PI4KA: variants seen among roughly 807,000 people sequenced by gnomAD.
PI4KA encodes the protein PI4-kinase alpha.
A neutral mutation model predicts 271.4 loss-of-function variants in PI4KA; 122 were observed. That is an observed-to-expected ratio of 0.45 (90% CI 0.39 to 0.52). PI4KA has a LOEUF of 0.52. Among genes scored for constraint, PI4KA ranks in the 20% least tolerant of loss-of-function variants. The probability of loss-of-function intolerance (pLI) is 0.00; values close to 1 mark genes in which losing one functional copy is unlikely to be tolerated. For missense variants in PI4KA, 1,969 were observed against 2,769.1 expected, an observed-to-expected ratio of 0.71 and a Z score of 6.48; for synonymous variants, 1,041 against 1,078.8, an observed-to-expected ratio of 0.96 and a Z score of 0.69.
At position 20,834,989 on chromosome 22, in the gene PI4KA, T is replaced by C. The variant is rs144212961; in HGVS notation, c.274-334A>G. Among the ~76,000 whole-genome samples the C allele has an allele frequency of 4.7e-3, 723 of 152,324 alleles. 6 individuals carry two copies. Among genetic ancestry groups the C allele is most frequent in the African/African-American group, 0.017 (693 of 41,570 alleles). Reference sequence around the variant, plus strand: ...ACACGTGTGTACACACTCAAAGCTGTCTTCAGTGAGAATGGTTTAGAGCCC... The same window carrying C: ...ACACGTGTGTACACACTCAAAGCTGCCTTCAGTGAGAATGGTTTAGAGCCC... On this transcript the variant is annotated intron_variant, in intron 2 of 54. Transcript: ENST00000255882.
intron 43 of PI4KA, among the ~76,000 whole-genome samples, chr22:20,720,082 A>G (rs902763197): frequency 2.6e-5 from 4 of 152,010 alleles, no homozygotes; most frequent in African/African-American, 9.7e-5. Flanking sequence ...AGATGTGAAC[A>G]AATATGATTT....
chr22:20,808,270 A>C (rs902644569), intron 9 of PI4KA, among the ~76,000 whole-genome samples: 8 of 148,446 alleles, frequency 5.4e-5, no homozygotes, highest in African/African-American at 2.0e-4. Context: ...AGCCTGGGCA[A>C]CAAGAACAAA....
In PI4KA at chr22:20,727,289, A is replaced by T. The variant is rs987872275; in HGVS notation, c.4882T>A (p.Tyr1628Asn). 6.2e-7 allele frequency: 1 copy of T among 1,613,190 alleles called. No individual in the cohort carries two copies. Among genetic ancestry groups the T allele is most frequent in the Admixed American group, 1.7e-5 (1 of 59,928 alleles). Reference protein sequence around the residue: ...PTGLSYFSSMYPPHPLTAQYG... With the variant: ...PTGLSYFSSMNPPHPLTAQYG... ...TGCGCCGTGAGAGGGTGCGGCGGGT[A>T]CATGCTGGAGAAGTAGGAGAGGCCT... Residue 1628 changes from tyrosine to asparagine, a missense_variant, in exon 41 of 55, where the codon TAC becomes AAC. Physicochemically the swap from Tyr to Asn is moderately radical, Grantham distance 143. Coordinates refer to ENST00000255882, the MANE Select transcript of PI4KA (RefSeq NM_058004.4).
In PI4KA at chr22:20,718,802, C is replaced by T. The variant is rs142131375; in HGVS notation, c.5137G>A (p.Asp1713Asn). ...CCTGTGATCTCCTCTACCAACTGAT[C>T]CAGGAGGTCGCCGATGTCAGCTGCC... ...QKDPDIGDLL[D>N]QLVEEITGSL... Residue 1713 changes from aspartate (D) to asparagine (N), a missense_variant, in exon 44 of 55, where the codon GAT becomes AAT. Physicochemically the swap from Asp to Asn is conservative, Grantham distance 23 (BLOSUM62 1). Transcript: ENST00000255882. 14 of 1,613,884 alleles carry T rather than the reference C, an allele frequency of 8.7e-6. No homozygotes were observed. In the South Asian group the frequency reaches 1.5e-4, roughly 18 times the overall value.
intron 19 of PI4KA, among the ~76,000 whole-genome samples, chr22:20,768,980 C>G (rs966750166): frequency 6.6e-6 from 1 of 152,044 alleles, no homozygotes; most frequent in Non-Finnish European, 1.5e-5. Flanking sequence ...GGATAAGGTC[C>G]CAAGTGATGG....
intron 19 of PI4KA, among the ~76,000 whole-genome samples, chr22:20,785,762 C>T (rs573449205): frequency 3.3e-5 from 5 of 152,124 alleles, no homozygotes; most frequent in African/African-American, 7.2e-5. Context: ...AGATAGGAAA[C>T]GAACCATACA....
chr22:20,794,873 C>T (rs1934883959), intron 18 of PI4KA, among the ~76,000 whole-genome samples: 1 of 152,164 alleles, frequency 6.6e-6, no homozygotes, highest in African/African-American at 2.4e-5. Flanking sequence ...CACGCCTGTT[C>T]GTTCATAGAC....
At position 20,801,981 on chromosome 22, in the gene PI4KA, G is replaced by A; in HGVS notation, c.1716C>T (p.Asn572=). Residue 572 remains asparagine, a synonymous_variant, in exon 14 of 55, where the codon AAC becomes AAT. Coordinates refer to ENST00000255882, the MANE Select transcript of PI4KA (RefSeq NM_058004.4). ...CTTGCCCAGCTTCCCACCTGCAGAT[G>A]TTGTCAATAGCGATGTCTCGGAGCT... ...YEQLRDIAID[N]ICRCLKAGLT... 1.2e-6 allele frequency: 2 copies of A among 1,614,108 alleles called. No individual in the cohort carries two copies. Among genetic ancestry groups the A allele is most frequent in the Non-Finnish European group, 1.7e-6 (2 of 1,179,998 alleles).
In PI4KA at chr22:20,799,158, G is replaced by T. The variant is rs1935149499; in HGVS notation, c.1939C>A (p.Gln647Lys). 1.2e-6 allele frequency: 2 copies of T among 1,612,108 alleles called. No individual in the cohort carries two copies. Among genetic ancestry groups the T allele is most frequent in the Non-Finnish European group, 1.7e-6 (2 of 1,179,190 alleles). Residue 647 changes from glutamine (Q) to lysine (K), a missense_variant, in exon 16 of 55, where the codon CAG (glutamine) becomes AAG (lysine). Gln to Lys is a moderately conservative substitution (Grantham distance 53). Coordinates refer to ENST00000255882, the MANE Select transcript of PI4KA (RefSeq NM_058004.4). The stretch of plus-strand genomic sequence containing the variant: ...AGCACATCGAGGGGGGAGGGTGGCT[G>T]GCAGAATTTCTGCTGTAGGATCTGC... ...ILQILQQKFC[Q>K]PPSPLDVLII...
chr22:20,786,930 T>C (rs753456741), intron 19 of PI4KA: 18 of 1,614,078 alleles, frequency 1.1e-5, no homozygotes, highest in Non-Finnish European at 1.4e-5. Flanking sequence ...GCCACCACTG[T>C]GACCACGGTG....
intron 32 of PI4KA, chr22:20,736,465 AGAAGGG>A (rs953756954): frequency 6.6e-6 from 1 of 152,652 alleles, no homozygotes; most frequent in African/African-American, 2.4e-5. Context: ...CCGCATGTGG[AGAAGGG>A]GAAGATGCCT....
At chr22:20,803,119 A>T (rs1248861257) in intron 13 of PI4KA, 72 bp downstream of exon 13, 30 of 1,499,330 alleles carry the variant, frequency 2.0e-5, no homozygotes, top group Non-Finnish European at 2.8e-5. Flanking sequence ...CAGTCATGAA[A>T]CCTGTGTGAG....
rs377351250 is a variant in PI4KA, at chr22:20,805,074, G to A, written c.1260C>T (p.Asp420=). 1.5e-5 allele frequency: 25 copies of A among 1,613,990 alleles called. No homozygotes were observed. Among genetic ancestry groups the A allele is most frequent in the Middle Eastern group, 1.7e-4 (1 of 6,060 alleles). The part of the protein sequence containing the change: ...SQGELQKILH[D]ADRIHNELSP... ...TCAGCTCATTGTGGATCCGGTCTGC[G>A]TCATGTAGAATCTTCTGGAGCTCCC... Residue 420 remains aspartate, a synonymous_variant, in exon 11 of 55, where the codon GAC becomes GAT. Coordinates refer to ENST00000255882, the MANE Select transcript of PI4KA (RefSeq NM_058004.4).
At chr22:20,773,239 T>C (rs1171216294) in intron 19 of PI4KA, among the ~76,000 whole-genome samples, 1 of 151,904 alleles carries the variant, frequency 6.6e-6, no homozygotes, top group Admixed American at 6.6e-5. Context: ...TACAAAAAAT[T>C]AGTTGGACAT....
intron 12 of PI4KA, among the ~76,000 whole-genome samples, chr22:20,804,093 C>T (rs1935498992): frequency 6.6e-6 from 1 of 152,248 alleles, no homozygotes; most frequent in African/African-American, 2.4e-5. Flanking sequence ...ACCCATATGC[C>T]ACTGACAGAA....
At position 20,805,159 on chromosome 22, in the gene PI4KA, G is replaced by A. The variant is rs149782040; in HGVS notation, c.1175C>T (p.Pro392Leu). ...ATGGATCTCCTTCACAAAAGAGGTC[G>A]GGAGGTCTGTAGGAAAGAGTGTGGC... ...RDTLYYMKDLPTSFVKEIHDF... is the reference protein window; with the variant it reads ...RDTLYYMKDLLTSFVKEIHDF... Residue 392 changes from proline to leucine, a missense_variant, in exon 11 of 55, where the codon CCG becomes CTG. Physicochemically the swap from Pro to Leu is moderately conservative, Grantham distance 98. Coordinates refer to ENST00000255882, the MANE Select transcript of PI4KA (RefSeq NM_058004.4). 616 of 1,612,768 alleles carry A rather than the reference G, an allele frequency of 3.8e-4. No homozygotes were observed. The highest frequency in any genetic ancestry group is 9.2e-4 in the Admixed American group (55 of 59,956).
chr22:20,791,494 G>A (rs949396263), intron 19 of PI4KA, among the ~76,000 whole-genome samples: 2 of 152,126 alleles, frequency 1.3e-5, no homozygotes, highest in African/African-American at 2.4e-5. Flanking sequence ...GGTGGTTCAC[G>A]CCTGTAATCC....
chr22:20,721,031 T>C (rs562106128), intron 43 of PI4KA, among the ~76,000 whole-genome samples: 13 of 152,330 alleles, frequency 8.5e-5, no homozygotes, highest in African/African-American at 3.1e-4. Context: ...ATGGAGACTC[T>C]GCAGAAGCAG....
chr22:20,756,209 T>C (rs1931280451), intron 23 of PI4KA, among the ~76,000 whole-genome samples: 1 of 151,582 alleles, frequency 6.6e-6, no homozygotes, highest in Non-Finnish European at 1.5e-5. Context: ...ATAATAGCTT[T>C]TTTTTTTTTT....
Sources: gnomAD v4.1 joint callset for allele counts (sites outside exome capture counted in the v4.1 genomes callset) on GRCh38, gnomAD v4.1.1 for gene constraint, MANE v1.5 for transcripts, NCBI Gene and HGNC (gene_info 2026-07-23, HGNC 2026-07-21) for gene names.